The following DOCK7 variants were observed in gnomAD, a reference collection of about 807,000 sequenced individuals.
The protein encoded by DOCK7 is dedicator of cytokinesis 7, also known as dedicator of cytokinesis protein 7.
DOCK7 carries 138 observed loss-of-function variants against 271.0 expected under a neutral mutation model. That is an observed-to-expected ratio of 0.51 (90% CI 0.44 to 0.59). The LOEUF is 0.59. Ranked by LOEUF, DOCK7 falls within the 20% of genes least tolerant of loss-of-function variation. DOCK7 has a pLI of 0.00. For synonymous variants in DOCK7, 823 were observed against 876.1 expected (o/e 0.94, Z 1.07); for missense variants, 2,066 against 2,592.4 (o/e 0.80, Z 4.41).
chr1:62,578,800 A>G lies in DOCK7; in HGVS notation c.2010+28T>C, dbSNP rs1278149869. On this transcript the variant is annotated intron_variant, in intron 17 of 49. Transcript: ENST00000635253. ...ATATCACCATTATTTTAGCTCTTTG[A>G]TCTAAATATTGAACCAAAAGGACTC... 2.7e-6 allele frequency: 4 copies of G among 1,495,718 alleles called. No individual in the cohort carries two copies. In the African/African-American group the frequency reaches 4.3e-5, roughly 16 times the overall value. The allele number at this position is 1,495,718 out of a possible 1,614,324, so 92.7% of individuals were successfully genotyped here. A position where few individuals can be genotyped will look rare whatever the true frequency, so the allele number is the denominator to read the frequency against.
intron 4 of DOCK7, among the ~76,000 whole-genome samples, chr1:62,651,469 AAAAG>A (rs1376674489): frequency 2.2e-4 from 32 of 146,448 alleles, no homozygotes; most frequent in Non-Finnish European, 3.5e-4. Flanking sequence ...AAAAAGAAAA[AAAAG>A]AAAAGTTTAT....
At chr1:62,486,818 A>G (rs1243439167) in intron 43 of DOCK7, 1 of 152,126 alleles carries the variant, frequency 6.6e-6, no homozygotes, top group East Asian at 1.9e-4. Context: ...AAATTAACAC[A>G]GTATCTCATC....
intron 47 of DOCK7, 35 bp downstream of exon 47, chr1:62,475,173 G>A: frequency 1.9e-6 from 3 of 1,579,706 alleles, no homozygotes; most frequent in Non-Finnish European, 2.6e-6. Flanking sequence ...CGTATTTACA[G>A]CTTAAATCAC....
chr1:62,477,836 T>C lies in DOCK7; in HGVS notation c.5509-11A>G, dbSNP rs1324101339. 1 of 1,590,828 alleles carries C rather than the reference T, an allele frequency of 6.3e-7. No homozygotes were observed. The highest frequency in any genetic ancestry group is 1.3e-5 in the African/African-American group (1 of 74,226). On this transcript the variant is annotated splice_polypyrimidine_tract_variant and intron_variant, in intron 43 of 49. Coordinates refer to ENST00000635253, the MANE Select transcript of DOCK7 (RefSeq NM_001367561.1). The stretch of plus-strand genomic sequence containing the variant: ...GGTGCCAAACATCCGCTTACCATCC[T>C]AGGTTTAGGAAAATGGAGAAACTTT...
chr1:62,629,965 C>T (rs1382832322), intron 11 of DOCK7, among the ~76,000 whole-genome samples: 1 of 152,166 alleles, frequency 6.6e-6, no homozygotes, highest in African/African-American at 2.4e-5. Flanking sequence ...ACCCAATTAT[C>T]CCAGTTCAGG....
intron 14 of DOCK7, among the ~76,000 whole-genome samples, chr1:62,589,348 T>C (rs1357374957): frequency 6.6e-6 from 1 of 152,186 alleles, no homozygotes; most frequent in Admixed American, 6.5e-5. Context: ...AGAGTTATTA[T>C]TCTTATGGAT....
chr1:62,497,171 C>A (rs1646647126), intron 37 of DOCK7, among the ~76,000 whole-genome samples: 1 of 152,118 alleles, frequency 6.6e-6, no homozygotes. Flanking sequence ...TTCAGTGGCA[C>A]CACTTTATCC....
Position 62,488,701 on chromosome 1 carries a change from GA to G in DOCK7, c.5493+232del, listed in dbSNP as rs57650980. On this transcript the variant is annotated intron_variant, in intron 42 of 49. Transcript: ENST00000635253. ...ACTTGCTAATTAATAATTCAAAAAT[GA>G]AAAAAAAAAGCTATGCAGAAAGTTT... The G allele has an allele frequency of 3.3e-3, 1,471 of 451,260 alleles. 1 individual carries two copies. The highest frequency in any genetic ancestry group is 5.0e-3 in the Middle Eastern group (10 of 1,998). 28.0% of individuals were successfully genotyped at this position (451,260 alleles called of 1,614,324 possible). A position where few individuals can be genotyped will look rare whatever the true frequency, so the allele number is the denominator to read the frequency against.
chr1:62,634,842 A>G lies in DOCK7; in HGVS notation c.966T>C (p.Ile322=), dbSNP rs1557836005. ...AAATTGCTGATCTTGCCAGGGTAGT[A>G]ATGGCAGCAGGTGGTACATGTGGAC... ...LLRPHVPPAA[I]TTLARSAIFS... is the part of the protein sequence containing the mutation. Residue 322 remains isoleucine, a synonymous_variant, in exon 9 of 50, where the codon ATT becomes ATC. Coordinates refer to ENST00000635253, the MANE Select transcript of DOCK7 (RefSeq NM_001367561.1). 6.2e-7 allele frequency: 1 copy of G among 1,613,228 alleles called. No individual in the cohort carries two copies. Among genetic ancestry groups the G allele is most frequent in the South Asian group, 1.1e-5 (1 of 91,044 alleles).
At chr1:62,490,597 T>C (rs947577392) in intron 41 of DOCK7, among the ~76,000 whole-genome samples, 28 of 152,316 alleles carry the variant, frequency 1.8e-4, no homozygotes, top group African/African-American at 6.7e-4. Flanking sequence ...ATATGTTTAG[T>C]GTAACTAAAA....
chr1:62,474,062 A>G lies in DOCK7; in HGVS notation c.6132T>C (p.Phe2044=). The change falls in exon 48 of 50, where the codon TTT becomes TTC. Residue 2044 remains phenylalanine (F), a synonymous_variant. Coordinates refer to ENST00000635253, the MANE Select transcript of DOCK7 (RefSeq NM_001367561.1). ...NQGPLEVAQV[F]LSEIPSDPKL... The stretch of plus-strand genomic sequence containing the variant: ...TTGGGTCACTAGGTATTTCAGACAG[A>G]AAAACCTGGGCAACTTCCAAAGGCC... The G allele has an allele frequency of 6.2e-7, 1 of 1,614,012 alleles. No homozygotes were observed. Among genetic ancestry groups the G allele is most frequent in the Non-Finnish European group, 8.5e-7 (1 of 1,179,950 alleles).
At chr1:62,514,669 G>A (rs996969482) in intron 31 of DOCK7, among the ~76,000 whole-genome samples, 2 of 151,904 alleles carry the variant, frequency 1.3e-5, no homozygotes, top group African/African-American at 4.8e-5. Context: ...AATGATGATG[G>A]CAAAAAATAA....
At chr1:62,595,592 A>G (rs1266669131) in intron 14 of DOCK7, among the ~76,000 whole-genome samples, 1 of 152,150 alleles carries the variant, frequency 6.6e-6, no homozygotes, top group East Asian at 1.9e-4. Flanking sequence ...AGTCATCAAA[A>G]GGAAGAGCCT....
chr1:62,659,611 G>C (rs1658435008), intron 2 of DOCK7, among the ~76,000 whole-genome samples: 1 of 152,092 alleles, frequency 6.6e-6, no homozygotes, highest in South Asian at 2.1e-4. Context: ...TAAGAGATTA[G>C]CAGAAAGGAC....
intron 43 of DOCK7, chr1:62,479,692 T>C (rs1239862203): frequency 1.1e-5 from 4 of 355,898 alleles, no homozygotes; most frequent in African/African-American, 2.1e-5. Flanking sequence ...TTTTAGTTTT[T>C]AGTTTTTTTG....
In DOCK7 at chr1:62,537,980, G is replaced by A. The variant is rs769121684; in HGVS notation, c.3382C>T (p.His1128Tyr). The A allele has an allele frequency of 6.2e-7, 1 of 1,614,058 alleles. No individual in the cohort carries two copies. The highest frequency in any genetic ancestry group is 8.5e-7 in the Non-Finnish European group (1 of 1,179,952). Residue 1128 changes from histidine (H) to tyrosine (Y), a missense_variant, in exon 28 of 50, where the codon CAT (histidine) becomes TAT (tyrosine). His to Tyr is a moderately conservative substitution (Grantham distance 83). This residue lies in a region of DOCK7 where 1,414 missense variants were observed against 1,670.4 expected (regional missense o/e 0.85). Coordinates refer to ENST00000635253, the MANE Select transcript of DOCK7 (RefSeq NM_001367561.1). ...RLDFLRIICS[H>Y]EHYVTLNLPC... ...AAGTTTAATGTAACATAGTGCTCAT[G>A]ACTGCAGATGATTCGTAGAAAATCC...
intron 49 of DOCK7, among the ~76,000 whole-genome samples, chr1:62,455,690 A>ACTGAAT (rs1430942597): frequency 6.6e-6 from 1 of 152,178 alleles, no homozygotes. Flanking sequence ...CGTTTGTCTG[A>ACTGAAT]CTGATGCTGC....
intron 14 of DOCK7, chr1:62,605,579 A>G (rs1055745547): frequency 6.6e-6 from 1 of 152,412 alleles, no homozygotes; most frequent in African/African-American, 2.4e-5. Context: ...ATAATTGTAA[A>G]GGAATCTTGT....
Position 62,517,179 on chromosome 1 carries a change from C to T in DOCK7, c.3937-3281G>A, listed in dbSNP as rs541712103. ...TAATTCTCAAGAATACCACTTACTA[C>T]ACACACTCACCCTTGCAGTCAAACC... On this transcript the variant is annotated intron_variant, in intron 31 of 49. Transcript: ENST00000635253. Among the ~76,000 whole-genome samples the T allele has an allele frequency of 4.6e-5, 7 of 152,332 alleles. No individual in the cohort carries two copies. In the East Asian group the frequency reaches 7.7e-4, roughly 17 times the overall value.
Sources: gnomAD v4.1 joint callset for allele counts (sites outside exome capture counted in the v4.1 genomes callset) on GRCh38, gnomAD v4.1.1 for gene constraint, gnomAD v4.1.1 regional missense constraint, MANE v1.5 for transcripts, NCBI Gene and HGNC (gene_info 2026-07-23, HGNC 2026-07-21) for gene names.